Variants in NHEJ1 observed in about 807,000 individuals in gnomAD.
NHEJ1 encodes the protein non-homologous end-joining factor 1.
NHEJ1 carries 22 observed loss-of-function variants against 39.4 expected under a neutral mutation model. The ratio of observed to expected loss-of-function variants is 0.56; its 90% confidence interval spans 0.40 to 0.80. NHEJ1 has a LOEUF of 0.80. Among genes scored for constraint, NHEJ1 ranks in the 30% least tolerant of loss-of-function variants. The pLI is 0.00. For missense variants in NHEJ1, 329 were observed against 357.1 expected (o/e 0.92, Z 0.63); for synonymous variants, 154 against 135.6 (o/e 1.14, Z -0.94).
intron 5 of NHEJ1, among the ~76,000 whole-genome samples, chr2:219,128,606 C>T (rs1474268690): frequency 2.0e-5 from 3 of 152,206 alleles, no homozygotes; most frequent in African/African-American, 7.2e-5. Flanking sequence ...ACTCAGCATC[C>T]AAGCACGCGA....
In NHEJ1 at chr2:219,157,560, G is replaced by A; in HGVS notation, c.302C>T (p.Ala101Val). Reference sequence around the variant, plus strand: ...TCGCACCCGTAGAATCAGTGCATCTGCCACACAATCACAGGAGAAGGTAGC... The same window carrying A: ...TCGCACCCGTAGAATCAGTGCATCTACCACACAATCACAGGAGAAGGTAGC... ...SEATFSCDCVADALILRVRSE... is the reference protein window; with the variant it reads ...SEATFSCDCVVDALILRVRSE... The change falls in exon 3 of 8, where the codon GCA becomes GTA. Residue 101 changes from alanine (A) to valine (V), a missense_variant. Transcript: ENST00000356853. 1.9e-6 allele frequency: 3 copies of A among 1,614,192 alleles called. No individual in the cohort carries two copies. The highest frequency in any genetic ancestry group is 2.5e-6 in the Non-Finnish European group (3 of 1,180,040).
chr2:219,118,590 G>A (rs1197541403), intron 5 of NHEJ1, among the ~76,000 whole-genome samples: 8 of 152,200 alleles, frequency 5.3e-5, no homozygotes, highest in Non-Finnish European at 1.2e-4. Flanking sequence ...ACACGCCTCT[G>A]TGATGGCTGT....
chr2:219,126,626 A>T (rs1385022154), intron 5 of NHEJ1, among the ~76,000 whole-genome samples: 1 of 152,256 alleles, frequency 6.6e-6, no homozygotes, highest in Non-Finnish European at 1.5e-5. Flanking sequence ...TAAACAAGAC[A>T]TCATATCCCT....
At chr2:219,132,865 A>G (rs187962003) in intron 5 of NHEJ1, among the ~76,000 whole-genome samples, 1 of 152,210 alleles carries the variant, frequency 6.6e-6, no homozygotes, top group Non-Finnish European at 1.5e-5. Flanking sequence ...TATTCTTTGT[A>G]GATATGTAAA....
At chr2:219,087,304 A>G (rs888511122) in intron 5 of NHEJ1, among the ~76,000 whole-genome samples, 1 of 152,238 alleles carries the variant, frequency 6.6e-6, no homozygotes, top group African/African-American at 2.4e-5. Context: ...AATCACAGCT[A>G]TAAGGCAGAT....
intron 5 of NHEJ1, among the ~76,000 whole-genome samples, chr2:219,092,422 T>C (rs1312953697): frequency 6.6e-6 from 1 of 152,228 alleles, no homozygotes; most frequent in Non-Finnish European, 1.5e-5. Context: ...TCATGAGATC[T>C]AGCAATGAGT....
At chr2:219,126,659 A>G (rs897335992) in intron 5 of NHEJ1, among the ~76,000 whole-genome samples, 1 of 152,218 alleles carries the variant, frequency 6.6e-6, no homozygotes, top group Admixed American at 6.5e-5. Flanking sequence ...CTTACCACCT[A>G]GTAGGAGGAG....
At chr2:219,156,996 A>G (rs1413392090) in intron 3 of NHEJ1, among the ~76,000 whole-genome samples, 1 of 152,148 alleles carries the variant, frequency 6.6e-6, no homozygotes, top group Non-Finnish European at 1.5e-5. Flanking sequence ...ACACATCTCT[A>G]CATCTCTTGC....
At chr2:219,119,206 G>A (rs57606540) in intron 5 of NHEJ1, among the ~76,000 whole-genome samples, 2,459 of 152,312 alleles carry the variant, frequency 0.016, 68 homozygotes, top group African/African-American at 0.056. Context: ...GTAAAGAAGT[G>A]TCCTGAAGCA....
At chr2:219,080,654 A>AAT (rs1949057417) in intron 5 of NHEJ1, among the ~76,000 whole-genome samples, 1 of 108,976 alleles carries the variant, frequency 9.2e-6, no homozygotes, top group Non-Finnish European at 1.8e-5. Context: ...TATATATGCT[A>AAT]ATATATATAA....
In NHEJ1 at chr2:219,147,558, G is replaced by A. The variant is rs1418707348; in HGVS notation, c.529+99C>T. The stretch of plus-strand genomic sequence containing the variant: ...GTTAGTATTCAGCACCCATCCTGGG[G>A]GAGGCACTTCTCTAATGCAAATGAG... On this transcript the variant is annotated intron_variant, in intron 4 of 7. Coordinates refer to ENST00000356853, the MANE Select transcript of NHEJ1 (RefSeq NM_024782.3). 5 of 1,447,806 alleles carry A rather than the reference G, an allele frequency of 3.5e-6. No individual in the cohort carries two copies. The African/African-American group carries it at 4.2e-5, about 12-fold the overall frequency. 89.7% of individuals were successfully genotyped at this position (1,447,806 alleles called of 1,614,324 possible).
intron 5 of NHEJ1, among the ~76,000 whole-genome samples, chr2:219,079,558 C>T (rs1189121843): frequency 6.6e-6 from 1 of 152,216 alleles, no homozygotes; most frequent in Non-Finnish European, 1.5e-5. Context: ...AAGACTATAT[C>T]AGGCCTGGAC....
intron 5 of NHEJ1, among the ~76,000 whole-genome samples, chr2:219,127,520 T>G (rs13415833): frequency 4.2e-4 from 64 of 152,332 alleles, no homozygotes; most frequent in African/African-American, 1.5e-3. Flanking sequence ...ACCCTGCCAG[T>G]AATCCACATT....
intron 5 of NHEJ1, among the ~76,000 whole-genome samples, chr2:219,096,386 A>G (rs1949208998): frequency 6.6e-6 from 1 of 152,240 alleles, no homozygotes; most frequent in Non-Finnish European, 1.5e-5. Context: ...TATTAATTCA[A>G]CAGGTATTTA....
intron 5 of NHEJ1, among the ~76,000 whole-genome samples, chr2:219,142,011 G>A (rs903132321): frequency 2.0e-5 from 3 of 152,162 alleles, no homozygotes; most frequent in Non-Finnish European, 4.4e-5. Flanking sequence ...TAAAGTATCT[G>A]CTCTAGAATC....
chr2:219,122,637 A>G (rs1279044048), intron 5 of NHEJ1, among the ~76,000 whole-genome samples: 3 of 152,138 alleles, frequency 2.0e-5, no homozygotes, highest in Admixed American at 2.0e-4. Context: ...TGGCCCAGAC[A>G]TTTACTCTTA....
intron 5 of NHEJ1, among the ~76,000 whole-genome samples, chr2:219,127,385 C>T (rs1286689035): frequency 1.3e-5 from 2 of 152,134 alleles, no homozygotes; most frequent in Non-Finnish European, 2.9e-5. Flanking sequence ...CTTTCTCTGG[C>T]AAAGAAAAAC....
chr2:219,123,189 A>G (rs76666733), intron 5 of NHEJ1, among the ~76,000 whole-genome samples: 3,382 of 152,336 alleles, frequency 0.022, 129 homozygotes, highest in African/African-American at 0.077. Context: ...GTCAGATCAC[A>G]TAGGACAAAA....
intron 5 of NHEJ1, among the ~76,000 whole-genome samples, chr2:219,112,180 G>A (rs1318801630): frequency 6.6e-6 from 1 of 152,158 alleles, no homozygotes; most frequent in Non-Finnish European, 1.5e-5. Context: ...CTGGCCCTTG[G>A]TCAAAGCAAG....
Sources: allele counts gnomAD v4.1 joint callset (sites outside exome capture counted in the v4.1 genomes callset), GRCh38; gene constraint gnomAD v4.1.1; transcripts MANE v1.5; gene names NCBI Gene and HGNC (gene_info 2026-07-23, HGNC 2026-07-21).